Variants in GLUD1 observed in about 807,000 individuals in gnomAD.
The protein encoded by GLUD1 is glutamate dehydrogenase 1, mitochondrial.
Under a neutral mutation model 56.0 loss-of-function variants are expected in GLUD1, and 22 were observed. The observed-to-expected ratio is 0.39, with a 90% confidence interval of 0.28 to 0.56. The LOEUF (loss-of-function observed/expected upper bound fraction) is 0.56. GLUD1 is among the 20% of genes least tolerant of loss of function. The probability of loss-of-function intolerance (pLI) is 0.58; values close to 1 mark genes in which losing one functional copy is unlikely to be tolerated. For synonymous variants in GLUD1, 223 were observed against 269.9 expected (o/e 0.83, Z 1.70); for missense variants, 451 against 732.0 (o/e 0.62, Z 4.43).
At chr10:87,059,123 T>C (rs768540352) in intron 10 of GLUD1, 27 bp downstream of exon 10, 4 of 1,612,006 alleles carry the variant, frequency 2.5e-6, no homozygotes, top group African/African-American at 2.7e-5. Context: ...AAGATGAGTT[T>C]TGGCGAACAA....
chr10:87,094,315 C>A lies in GLUD1; in HGVS notation c.445+10G>T. ...CAGGGAGGGCGGGACGGGGCCCGGC[C>A]GACGCTCACCTCCCTTGCAGGGCGT... is the stretch of plus-strand genomic sequence containing the variant. On this transcript the variant is annotated intron_variant, in intron 1 of 12. Coordinates refer to ENST00000277865, the MANE Select transcript of GLUD1 (RefSeq NM_005271.5). The surrounding 1 kb of genome is among the most constrained non-coding windows in gnomAD (Gnocchi z 6.6). 6.2e-7 allele frequency: 1 copy of A among 1,600,198 alleles called. No homozygotes were observed. The highest frequency in any genetic ancestry group is 1.1e-5 in the South Asian group (1 of 89,780).
intron 1 of GLUD1, among the ~76,000 whole-genome samples, chr10:87,086,952 GCAATTCAGTTATGACACTGA>G (rs1841398838): frequency 6.6e-6 from 1 of 151,968 alleles, no homozygotes; most frequent in African/African-American, 2.4e-5. Context: ...TGGGTGTCCT[GCAATTCAGTTATGACACTGA>G]CTACCAGGGT....
chr10:87,093,952 CG>C (rs1376201260), intron 1 of GLUD1: 1 of 1,378,622 alleles, frequency 7.3e-7, no homozygotes, highest in Non-Finnish European at 9.6e-7. Context: ...AGAACACTGA[CG>C]AGGCATTATC....
chr10:87,060,986 C>T lies in GLUD1; in HGVS notation c.988G>A (p.Val330Ile), dbSNP rs928478019. The change falls in exon 7 of 13, where the codon GTT becomes ATT. Residue 330 changes from valine (V) to isoleucine (I), a missense_variant. By Grantham distance (29) the Val-to-Ile change is conservative. Around this residue, in one of 4 missense-constraint regions of GLUD1, gnomAD observed 248 missense variants for 460.0 expected, o/e 0.54. Coordinates refer to ENST00000277865, the MANE Select transcript of GLUD1 (RefSeq NM_005271.5). ...CATATACTCCCATCAGACTCACCAA[C>T]AGCAATACATTTAGCACCAAAACGA... ...LHRFGAKCIA[V>I]GESDGSIWNP... 1.3e-5 allele frequency: 21 copies of T among 1,613,838 alleles called. No homozygotes were observed. Among genetic ancestry groups the T allele is most frequent in the Non-Finnish European group, 1.7e-5 (20 of 1,179,844 alleles).
chr10:87,083,162 G>C (rs1007885435), intron 1 of GLUD1, among the ~76,000 whole-genome samples: 4 of 150,978 alleles, frequency 2.6e-5, no homozygotes, highest in African/African-American at 9.8e-5. Context: ...ACAGAGAGCT[G>C]AGATTGTACC....
chr10:87,088,242 T>A (rs7096113), intron 1 of GLUD1, among the ~76,000 whole-genome samples: 101,014 of 150,258 alleles, frequency 0.67, 34,491 homozygotes, highest in East Asian at 0.84. Flanking sequence ...ATACTGAGCT[T>A]ATAGCAAAAC....
chr10:87,060,978 C>G lies in GLUD1; in HGVS notation c.996G>C (p.Glu332Asp), dbSNP rs972558200. The G allele has an allele frequency of 6.2e-7, 1 of 1,613,928 alleles. No homozygotes were observed. Among genetic ancestry groups the G allele is most frequent in the Non-Finnish European group, 8.5e-7 (1 of 1,179,922 alleles). Residue 332 changes from glutamate (E) to aspartate (D), a missense_variant, in exon 7 of 13, where the codon GAG becomes GAC. Physicochemically the swap from Glu to Asp is conservative, Grantham distance 45. Coordinates refer to ENST00000277865, the MANE Select transcript of GLUD1 (RefSeq NM_005271.5). ...RFGAKCIAVGESDGSIWNPDG... is the reference protein window; with the variant it reads ...RFGAKCIAVGDSDGSIWNPDG... ...CTGGATTCCATATACTCCCATCAGA[C>G]TCACCAACAGCAATACATTTAGCAC...
intron 12 of GLUD1, 64 bp downstream of exon 12, chr10:87,053,278 G>A (rs950599728): frequency 9.7e-6 from 10 of 1,036,258 alleles, no homozygotes; most frequent in Admixed American, 1.7e-5. Flanking sequence ...TGGCGGCTGA[G>A]ATAGCATGGT....
intron 3 of GLUD1, 145 bp from the exon 4 acceptor site, chr10:87,074,759 C>T: frequency 1.6e-6 from 1 of 633,490 alleles, no homozygotes; most frequent in Non-Finnish European, 2.8e-6. Flanking sequence ...GTAGGCATTG[C>T]CATTTTAAAG....
intron 1 of GLUD1, chr10:87,091,713 G>T: frequency 4.5e-6 from 1 of 220,538 alleles, no homozygotes; most frequent in Non-Finnish European, 7.7e-6. Flanking sequence ...ATAACCATCT[G>T]TTTCCCTTAG....
intron 5 of GLUD1, among the ~76,000 whole-genome samples, chr10:87,065,190 G>A (rs57649130): frequency 0.29 from 43,725 of 150,172 alleles, 7,163 homozygotes; most frequent in East Asian, 0.69. Context: ...CTACTTGGGA[G>A]GCTGAGGCAG....
chr10:87,071,021 T>C (rs1437287913), intron 4 of GLUD1, among the ~76,000 whole-genome samples: 1 of 150,716 alleles, frequency 6.6e-6, no homozygotes, highest in African/African-American at 2.4e-5. Context: ...CCCAGCTTCT[T>C]GGGAGGCTGA....
chr10:87,091,403 T>C (rs1841507055), intron 1 of GLUD1, among the ~76,000 whole-genome samples: 1 of 152,220 alleles, frequency 6.6e-6, no homozygotes, highest in Non-Finnish European at 1.5e-5. Flanking sequence ...GAAATACAGA[T>C]AATTTACTCT....
At chr10:87,087,878 C>T (rs1239045267) in intron 1 of GLUD1, among the ~76,000 whole-genome samples, 2 of 152,186 alleles carry the variant, frequency 1.3e-5, no homozygotes, top group East Asian at 1.9e-4. Context: ...GTCGGGAGTT[C>T]GAGACCAGCC....
intron 4 of GLUD1, among the ~76,000 whole-genome samples, chr10:87,069,697 C>T (rs1413624967): frequency 6.6e-6 from 1 of 152,000 alleles, no homozygotes; most frequent in African/African-American, 2.4e-5. Context: ...CTTTTTTGAA[C>T]AAGCTGTGAT....
In GLUD1 at chr10:87,057,630, C is replaced by G. The variant is rs936611720; in HGVS notation, c.1494+61G>C. On this transcript the variant is annotated intron_variant, in intron 11 of 12. Coordinates refer to ENST00000277865, the MANE Select transcript of GLUD1 (RefSeq NM_005271.5). ...GCAGATGAAATCCATCTAACCAGCT[C>G]TGTCTGAAGGAAAGAGCAGGGAGCA... 6.8e-6 allele frequency: 6 copies of G among 880,100 alleles called. 1 individual carries two copies. The African/African-American group carries it at 9.8e-5, about 14-fold the overall frequency. The allele number at this position is 880,100 out of a possible 1,614,324, so 54.5% of individuals were successfully genotyped here.
At chr10:87,060,033 C>T in intron 9 of GLUD1, 128 bp downstream of exon 9, 4 of 710,844 alleles carry the variant, frequency 5.6e-6, no homozygotes, top group African/African-American at 3.5e-5. Context: ...ACTATATTTT[C>T]TCAAAAGTGA....
At chr10:87,074,233 GCTC>G (rs1180971141) in intron 4 of GLUD1, among the ~76,000 whole-genome samples, 1 of 152,152 alleles carries the variant, frequency 6.6e-6, no homozygotes, top group African/African-American at 2.4e-5. Context: ...GGGCACAGTG[GCTC>G]CTATCTGTAA....
Position 87,094,425 on chromosome 10 carries a change from C to T in GLUD1, c.345G>A (p.Val115=), listed in dbSNP as rs1477853390. 3 of 1,613,608 alleles carry T rather than the reference C, an allele frequency of 1.9e-6. No homozygotes were observed. Among genetic ancestry groups the T allele is most frequent in the Non-Finnish European group, 1.7e-6 (2 of 1,179,948 alleles). ...ILRIIKPCNH[V]LSLSFPIRRD... ...GCCGGATGGGGAAGGAGAGACTCAG[C>T]ACATGGTTGCAGGGCTTGATGATCC... Residue 115 remains valine (V), a synonymous_variant, in exon 1 of 13, where the codon GTG becomes GTA. Coordinates refer to ENST00000277865, the MANE Select transcript of GLUD1 (RefSeq NM_005271.5). The surrounding 1 kb of genome is among the most constrained non-coding windows in gnomAD (Gnocchi z 6.6).
Sources: allele counts gnomAD v4.1 joint callset (sites outside exome capture counted in the v4.1 genomes callset), GRCh38; gene constraint gnomAD v4.1.1; regional missense constraint gnomAD v4.1.1; non-coding constraint Gnocchi (gnomAD v3.1); transcripts MANE v1.5; gene names NCBI Gene and HGNC (gene_info 2026-07-23, HGNC 2026-07-21).